SORCS1: variants seen among roughly 807,000 people sequenced by gnomAD.
SORCS1 encodes VPS10 domain-containing receptor SorCS1.
A neutral mutation model predicts 146.1 loss-of-function variants in SORCS1; 60 were observed. The observed-to-expected ratio is 0.41, with a 90% CI of 0.33 to 0.51. The LOEUF (loss-of-function observed/expected upper bound fraction) is 0.51. Ranked by LOEUF, SORCS1 falls within the 20% of genes least tolerant of loss-of-function variation. The probability of loss-of-function intolerance (pLI) is 0.21; values close to 1 mark genes in which losing one functional copy is unlikely to be tolerated. For missense variants in SORCS1, 1,352 were observed against 1,487.6 expected (o/e 0.91, Z 1.50); for synonymous variants, 637 against 584.0 (o/e 1.09, Z -1.31).
chr10:106,687,686 T>C (rs866014953), intron 10 of SORCS1, among the ~76,000 whole-genome samples: 5 of 152,196 alleles, frequency 3.3e-5, no homozygotes, highest in African/African-American at 1.2e-4. Flanking sequence ...CAGAATATAT[T>C]GTAAAGAATA....
chr10:107,103,497 G>A (rs570778123), intron 1 of SORCS1, among the ~76,000 whole-genome samples: 4 of 152,150 alleles, frequency 2.6e-5, no homozygotes, highest in Non-Finnish European at 4.4e-5. Flanking sequence ...TCAGCATAAG[G>A]TCTCTTTGTC....
In SORCS1 at chr10:106,764,495, A is replaced by C. The variant is rs541206636; in HGVS notation, c.886-2834T>G. Among the ~76,000 whole-genome samples the C allele has an allele frequency of 2.0e-5, 3 of 152,302 alleles. No homozygotes were observed. In the South Asian group the frequency reaches 6.2e-4, roughly 32 times the overall value. On this transcript the variant is annotated intron_variant, in intron 4 of 25. Transcript: ENST00000263054. ...AAATTCATAGTGTTGGCAGCACCTA[A>C]GTAAGATTTATTTCCCTCCCTGTCT...
chr10:107,145,062 G>C (rs758226452), intron 1 of SORCS1, among the ~76,000 whole-genome samples: 36 of 152,192 alleles, frequency 2.4e-4, no homozygotes, highest in Non-Finnish European at 4.6e-4. Flanking sequence ...TCTTCCAGTG[G>C]ATGCAGGGGG....
At chr10:107,068,363 G>A (rs552811156) in intron 1 of SORCS1, among the ~76,000 whole-genome samples, 1 of 152,244 alleles carries the variant, frequency 6.6e-6, no homozygotes, top group South Asian at 2.1e-4. Context: ...TAACAAGGGG[G>A]AACAACAGAC....
chr10:107,074,836 T>C (rs1962746939), intron 1 of SORCS1, among the ~76,000 whole-genome samples: 1 of 152,204 alleles, frequency 6.6e-6, no homozygotes, highest in African/African-American at 2.4e-5. Context: ...ACTCGTCATC[T>C]GTATAACTTC....
intron 23 of SORCS1, among the ~76,000 whole-genome samples, chr10:106,603,236 G>A (rs1300586872): frequency 1.3e-5 from 2 of 152,106 alleles, no homozygotes; most frequent in East Asian, 1.9e-4. Flanking sequence ...ATGCTTGAGG[G>A]GCAGGGCTTG....
In SORCS1 at chr10:106,878,620, G is replaced by GTGTATATATATATATATATATATATATA. The variant is rs904386657; in HGVS notation, c.627-48948_627-48947insTATATATATATATATATATATATATACA. On this transcript the variant is annotated intron_variant, in intron 2 of 25. Transcript: ENST00000263054. ...AAATTTGTTTTTTATAAACTACCTA[G>GTGTATATATATATATATATATATATATA]TATATATATATATATATATATATAT... 3.4e-3 allele frequency among the ~76,000 whole-genome samples: 286 copies of GTGTATATATATATATATATATATATATA among 84,882 alleles called. 15 individuals are homozygous for GTGTATATATATATATATATATATATATA. Among genetic ancestry groups the GTGTATATATATATATATATATATATATA allele is most frequent in the African/African-American group, 0.011 (229 of 21,750 alleles). The allele number at this position is 84,882 out of a possible 152,430, so 55.7% of individuals were successfully genotyped here. A position where few individuals can be genotyped will look rare whatever the true frequency, so the allele number is the denominator to read the frequency against.
intron 18 of SORCS1, among the ~76,000 whole-genome samples, chr10:106,640,656 G>A (rs935483581): frequency 2.0e-5 from 3 of 152,108 alleles, no homozygotes; most frequent in Non-Finnish European, 4.4e-5. Context: ...CATTTATCCT[G>A]TGCCTTCAGG....
At chr10:106,914,893 A>G (rs1219992920) in intron 2 of SORCS1, among the ~76,000 whole-genome samples, 2 of 152,040 alleles carry the variant, frequency 1.3e-5, no homozygotes, top group Non-Finnish European at 2.9e-5. Flanking sequence ...TTGATCTTGG[A>G]TTTATACTCC....
chr10:107,021,568 C>T (rs959934021), intron 1 of SORCS1, among the ~76,000 whole-genome samples: 4 of 151,070 alleles, frequency 2.6e-5, no homozygotes, highest in Admixed American at 2.0e-4. Context: ...TATCCCAACC[C>T]CTCCTCCCAA....
At chr10:106,689,303 G>T (rs548547379) in intron 9 of SORCS1, among the ~76,000 whole-genome samples, 63 of 152,236 alleles carry the variant, frequency 4.1e-4, no homozygotes, top group South Asian at 1.2e-3. Context: ...TACCCTGCTT[G>T]CAACTGTAAC....
In SORCS1 at chr10:106,972,087, C is replaced by T. The variant is rs540803201; in HGVS notation, c.559-15507G>A. On this transcript the variant is annotated intron_variant, in intron 1 of 25. Transcript: ENST00000263054. ...CTGATAAAATTAGAAATCCCCAGGC[C>T]AGGCACGGTGGTTCATGCCTGTAAT... Among the ~76,000 whole-genome samples, 3 of 152,130 alleles carry T rather than the reference C, an allele frequency of 2.0e-5. No homozygotes were observed. In the East Asian group the frequency reaches 5.8e-4, roughly 29 times the overall value.
At chr10:106,894,217 A>G (rs1242834322) in intron 2 of SORCS1, among the ~76,000 whole-genome samples, 1 of 151,346 alleles carries the variant, frequency 6.6e-6, no homozygotes, top group Non-Finnish European at 1.5e-5. Context: ...GCATGTAGGA[A>G]GTTAGTGGGG....
chr10:107,097,039 T>A (rs534925816), intron 1 of SORCS1, among the ~76,000 whole-genome samples: 1 of 152,334 alleles, frequency 6.6e-6, no homozygotes, highest in South Asian at 2.1e-4. Flanking sequence ...CCTCTCTCAA[T>A]ATTGAGATCT....
Position 106,918,409 on chromosome 10 carries a change from C to T in SORCS1, c.626+38104G>A, listed in dbSNP as rs566258941. 3.9e-5 allele frequency among the ~76,000 whole-genome samples: 6 copies of T among 152,192 alleles called. No homozygotes were observed. The South Asian group carries it at 1.0e-3, about 26-fold the overall frequency. On this transcript the variant is annotated intron_variant, in intron 2 of 25. Coordinates refer to ENST00000263054, the MANE Select transcript of SORCS1 (RefSeq NM_052918.5). ...CAATCTCCTGACCTGGTGATCCACCCGCCTCAGCCTCCCAAATTGCTGGGA... is the reference window on the plus strand; with the variant it reads ...CAATCTCCTGACCTGGTGATCCACCTGCCTCAGCCTCCCAAATTGCTGGGA...
At chr10:106,669,989 A>T (rs563533729) in intron 16 of SORCS1, among the ~76,000 whole-genome samples, 2 of 152,376 alleles carry the variant, frequency 1.3e-5, no homozygotes, top group African/African-American at 4.8e-5. Flanking sequence ...ATGATTCAAT[A>T]TGTAACCTGA....
intron 5 of SORCS1, among the ~76,000 whole-genome samples, chr10:106,746,361 T>G (rs542542079): frequency 6.6e-6 from 1 of 152,346 alleles, no homozygotes. Context: ...AAATTATTTT[T>G]AAATAAAAGA....
At chr10:106,845,676 G>A (rs1392241462) in intron 2 of SORCS1, among the ~76,000 whole-genome samples, 1 of 59,988 alleles carries the variant, frequency 1.7e-5, no homozygotes, top group South Asian at 8.1e-4. Flanking sequence ...GTCCTGAATG[G>A]TAATGCCTAG....
At chr10:107,147,796 C>T (rs957774262) in intron 1 of SORCS1, among the ~76,000 whole-genome samples, 17 of 151,998 alleles carry the variant, frequency 1.1e-4, no homozygotes, top group Admixed American at 3.9e-4. Flanking sequence ...TGAAATGAAG[C>T]CTTGCCCTTG....
Sources: allele counts gnomAD v4.1 joint callset (sites outside exome capture counted in the v4.1 genomes callset), GRCh38; gene constraint gnomAD v4.1.1; transcripts MANE v1.5; gene names NCBI Gene and HGNC (gene_info 2026-07-23, HGNC 2026-07-21).